The following HCN4 variants were observed in gnomAD, a reference collection of about 807,000 sequenced individuals.
HCN4 encodes the protein hyperpolarization activated cyclic nucleotide gated potassium channel 4, also known as potassium/sodium hyperpolarization-activated cyclic nucleotide-gated channel 4.
A neutral mutation model predicts 76.9 loss-of-function variants in HCN4; 29 were observed. The ratio of observed to expected loss-of-function variants is 0.38; its 90% CI spans 0.28 to 0.51. HCN4 has a LOEUF of 0.51. Ranked by LOEUF, HCN4 falls within the 20% of genes least tolerant of loss-of-function variation. The pLI is 0.90. For missense variants in HCN4, 1,416 were observed against 1,715.2 expected (o/e 0.83, Z 3.08); for synonymous variants, 772 against 762.5 (o/e 1.01, Z -0.21).
chr15:73,332,392 C>CAGAGTCCAGGCAGAG, intron 2 of HCN4, 100 bp from the exon 3 acceptor site: 1 of 1,242,132 alleles, frequency 8.1e-7, no homozygotes, highest in Non-Finnish European at 1.2e-6. Context: ...CACTGCTCTG[C>CAGAGTCCAGGCAGAG]CTGGACTCTG....
In HCN4 at chr15:73,322,422, A is replaced by T. The variant is rs935368156; in HGVS notation, c.*59T>A. 6 of 1,350,888 alleles carry T rather than the reference A, an allele frequency of 4.4e-6. No individual in the cohort carries two copies. In the Admixed American group the frequency reaches 1.2e-4, roughly 27 times the overall value. 83.7% of individuals were successfully genotyped at this position (1,350,888 alleles called of 1,614,324 possible). A position where few individuals can be genotyped will look rare whatever the true frequency, so the allele number is the denominator to read the frequency against. On this transcript the variant is annotated 3_prime_UTR_variant, in exon 8 of 8. Coordinates refer to ENST00000261917, the MANE Select transcript of HCN4 (RefSeq NM_005477.3). ...TGGTATATCTCCTAATCACAGTTAA[A>T]CCTGAAGGAAGAAGGAAGGGAGAGA...
chr15:73,323,804 GGCAGCA>G lies in HCN4; in HGVS notation c.2283_2288del (p.Ala762_Ala763del), dbSNP rs754106296. ...CGGGCGTGGGGGTTGGGGTGGCAGA[GGCAGCA>G]GCCTGGACGCGGTGCGCGCAGTGGG... On this transcript the variant is annotated inframe_deletion, in exon 8 of 8. Coordinates refer to ENST00000261917, the MANE Select transcript of HCN4 (RefSeq NM_005477.3). 4 of 1,607,412 alleles carry G rather than the reference GGCAGCA, an allele frequency of 2.5e-6. No individual in the cohort carries two copies. The South Asian group carries it at 4.4e-5, about 18-fold the overall frequency.
At chr15:73,354,185 G>C (rs992582995) in intron 1 of HCN4, among the ~76,000 whole-genome samples, 1 of 152,174 alleles carries the variant, frequency 6.6e-6, no homozygotes, top group Admixed American at 6.5e-5. Flanking sequence ...AATATTTGAG[G>C]AACAAAGTTT....
At chr15:73,365,460 C>T (rs146133769) in intron 1 of HCN4, among the ~76,000 whole-genome samples, 1 of 152,328 alleles carries the variant, frequency 6.6e-6, no homozygotes, top group Non-Finnish European at 1.5e-5. Context: ...GCTGTATCCC[C>T]GCTTCCCTAT....
intron 1 of HCN4, among the ~76,000 whole-genome samples, chr15:73,354,654 A>C (rs916973045): frequency 6.6e-6 from 1 of 152,236 alleles, no homozygotes; most frequent in South Asian, 2.1e-4. Flanking sequence ...TCTAATGTGC[A>C]GGATGAGAAC....
At chr15:73,359,997 C>T (rs2043097929) in intron 1 of HCN4, among the ~76,000 whole-genome samples, 1 of 152,212 alleles carries the variant, frequency 6.6e-6, no homozygotes, top group Admixed American at 6.5e-5. Context: ...AGGAGGTGAG[C>T]TGGCATCCCA....
rs1162822936 is a variant in HCN4 at position 73,343,958 on chromosome 15, T to C, written c.786-150A>G. 1 of 761,468 alleles carries C rather than the reference T, an allele frequency of 1.3e-6. No individual in the cohort carries two copies. Among genetic ancestry groups the C allele is most frequent in the Non-Finnish European group, 2.3e-6 (1 of 440,076 alleles). 47.2% of individuals were successfully genotyped at this position (761,468 alleles called of 1,614,324 possible). A position where few individuals can be genotyped will look rare whatever the true frequency, so the allele number is the denominator to read the frequency against. On this transcript the variant is annotated intron_variant, in intron 1 of 7. Coordinates refer to ENST00000261917, the MANE Select transcript of HCN4 (RefSeq NM_005477.3). This position sits in a 1 kb window ranked among gnomAD's most constrained non-coding sequence, Gnocchi z 5.7. ...CAGGCACATGGGTACCAGGGCAAGA[T>C]GTGGAGATTGGCACAGGGAATGACA...
In HCN4 at chr15:73,343,256, T is replaced by A. The variant is rs2043015299; in HGVS notation, c.1209+129A>T. On this transcript the variant is annotated intron_variant, in intron 2 of 7. Coordinates refer to ENST00000261917, the MANE Select transcript of HCN4 (RefSeq NM_005477.3). This position sits in a 1 kb window ranked among gnomAD's most constrained non-coding sequence, Gnocchi z 5.7. ...GAGGTCAAGAACTTACTAGTATTTGTCCTCTTGGAGCAGGTGTGCCTGCCA... is the reference window on the plus strand; with the variant it reads ...GAGGTCAAGAACTTACTAGTATTTGACCTCTTGGAGCAGGTGTGCCTGCCA... The A allele has an allele frequency of 3.6e-6, 3 of 832,472 alleles. No homozygotes were observed. The highest frequency in any genetic ancestry group is 6.0e-6 in the Non-Finnish European group (3 of 503,228). 51.6% of individuals were successfully genotyped at this position (832,472 alleles called of 1,614,324 possible). A position where few individuals can be genotyped will look rare whatever the true frequency, so the allele number is the denominator to read the frequency against.
chr15:73,360,865 C>G (rs1483471344), intron 1 of HCN4, among the ~76,000 whole-genome samples: 1 of 152,168 alleles, frequency 6.6e-6, no homozygotes, highest in Non-Finnish European at 1.5e-5. Context: ...GGTCAGGCAG[C>G]TAAATGGCAT....
At chr15:73,364,708 T>C (rs994514543) in intron 1 of HCN4, among the ~76,000 whole-genome samples, 1 of 152,010 alleles carries the variant, frequency 6.6e-6, no homozygotes, top group African/African-American at 2.4e-5. Flanking sequence ...TTCTTTTCTA[T>C]TGGGGGGTGG....
At chr15:73,346,175 A>G (rs984977861) in intron 1 of HCN4, among the ~76,000 whole-genome samples, 6 of 152,160 alleles carry the variant, frequency 3.9e-5, no homozygotes, top group African/African-American at 1.4e-4. Context: ...ACCCTGGAAC[A>G]TCACAGAGCT....
chr15:73,339,653 A>T (rs1443454113), intron 2 of HCN4, among the ~76,000 whole-genome samples: 1 of 152,234 alleles, frequency 6.6e-6, no homozygotes, highest in African/African-American at 2.4e-5. Flanking sequence ...GGCCCAAAGG[A>T]GGAAAGAGAC....
At position 73,323,628 on chromosome 15, in the gene HCN4, G is replaced by A. The variant is rs201143364; in HGVS notation, c.2465C>T (p.Thr822Met). 2.1e-4 allele frequency: 337 copies of A among 1,599,948 alleles called. No homozygotes were observed. Among genetic ancestry groups the A allele is most frequent in the Non-Finnish European group, 2.0e-4 (238 of 1,176,910 alleles). ...CTGCAGCCGTTTCAGGTGCCTTGGCGTCTGCCCGGCACCGAGGTTGCCCAG... is the reference window on the plus strand; with the variant it reads ...CTGCAGCCGTTTCAGGTGCCTTGGCATCTGCCCGGCACCGAGGTTGCCCAG... ...SGLGNLGAGQTPRHLKRLQSL... is the reference protein window; with the variant it reads ...SGLGNLGAGQMPRHLKRLQSL... The change falls in exon 8 of 8, where the codon ACG (threonine) becomes ATG (methionine). Residue 822 changes from threonine to methionine, a missense_variant. By Grantham distance (81) the Thr-to-Met change is moderately conservative. This residue lies in a region of HCN4 where 633 missense variants were observed against 579.8 expected (regional missense o/e 1.09). Transcript: ENST00000261917.
chr15:73,329,385 G>C (rs1247632839), intron 4 of HCN4, among the ~76,000 whole-genome samples, 188 bp downstream of exon 4: 2 of 152,182 alleles, frequency 1.3e-5, no homozygotes, highest in Non-Finnish European at 2.9e-5. Context: ...GGAGGGGCCA[G>C]GCCAGGGAGC....
chr15:73,323,402 A>G lies in HCN4; in HGVS notation c.2691T>C (p.Ala897=). The change falls in exon 8 of 8, where the codon GCT becomes GCC. Residue 897 remains alanine, a synonymous_variant. Coordinates refer to ENST00000261917, the MANE Select transcript of HCN4 (RefSeq NM_005477.3). ...CGGCTATGGTGGTGGCGGCTACGCC[A>G]GCTGATGGTGTGGGAGCCGAGGGGG... The part of the protein sequence containing the change: ...CGSPSAPTPS[A]GVAATTIAGF... 1 of 1,598,806 alleles carries G rather than the reference A, an allele frequency of 6.3e-7. No individual in the cohort carries two copies.
intron 1 of HCN4, among the ~76,000 whole-genome samples, chr15:73,365,889 G>C (rs1014252270): frequency 1.3e-4 from 20 of 152,160 alleles, no homozygotes; most frequent in Non-Finnish European, 2.5e-4. Context: ...AGAGTTGAGA[G>C]ACAGGAGGAA....
chr15:73,339,829 G>C lies in HCN4; in HGVS notation c.1209+3556C>G, dbSNP rs1303282583. On this transcript the variant is annotated intron_variant, in intron 2 of 7. Coordinates refer to ENST00000261917, the MANE Select transcript of HCN4 (RefSeq NM_005477.3). Reference sequence around the variant, plus strand: ...GCTGGAGTGGCCTGCTATGGTCCTGGAGACAGGGTTCCTGGGGCCAGCTGG... The same window carrying C: ...GCTGGAGTGGCCTGCTATGGTCCTGCAGACAGGGTTCCTGGGGCCAGCTGG... Among the ~76,000 whole-genome samples, 4 of 152,228 alleles carry C rather than the reference G, an allele frequency of 2.6e-5. No homozygotes were observed. In the East Asian group the frequency reaches 7.7e-4, roughly 29 times the overall value.
At chr15:73,323,999 T>C in intron 7 of HCN4, 50 bp from the exon 8 acceptor site, 1 of 1,611,402 alleles carries the variant, frequency 6.2e-7, no homozygotes. Flanking sequence ...GGGAAGGAGA[T>C]CAGGTGCAGA....
chr15:73,355,382 A>G (rs1349930754), intron 1 of HCN4, among the ~76,000 whole-genome samples: 1 of 152,000 alleles, frequency 6.6e-6, no homozygotes, highest in Non-Finnish European at 1.5e-5. Flanking sequence ...AGTTCCATGA[A>G]TCTCTGCAGT....
Sources: gnomAD v4.1 joint callset for allele counts (sites outside exome capture counted in the v4.1 genomes callset) on GRCh38, gnomAD v4.1.1 for gene constraint, gnomAD v4.1.1 regional missense constraint, Gnocchi (gnomAD v3.1) non-coding constraint, MANE v1.5 for transcripts, NCBI Gene and HGNC (gene_info 2026-07-23, HGNC 2026-07-21) for gene names.